IPP: variants seen among roughly 807,000 people sequenced by gnomAD.
IPP encodes actin-binding protein IPP.
IPP carries 41 observed loss-of-function variants against 64.1 expected under a neutral mutation model. That is an observed-to-expected ratio of 0.64 (90% confidence interval 0.50 to 0.83). The LOEUF (loss-of-function observed/expected upper bound fraction) is 0.83, where lower values mean the gene tolerates loss of function less well. IPP is among the 40% of genes least tolerant of loss of function. The pLI, the probability that IPP is intolerant of heterozygous loss-of-function variation, is 0.00. For missense variants in IPP, 649 were observed against 703.0 expected (o/e 0.92, Z 0.87); for synonymous variants, 214 against 235.2 (o/e 0.91, Z 0.83).
intron 2 of IPP, among the ~76,000 whole-genome samples, chr1:45,744,030 AAG>A (rs1314556046): frequency 1.3e-5 from 2 of 152,150 alleles, no homozygotes; most frequent in Non-Finnish European, 2.9e-5. Context: ...AAAAAAAAAA[AAG>A]AGTAATATAT....
chr1:45,746,605 C>T (rs1646138011), intron 1 of IPP, 144 bp from the exon 2 acceptor site: 1 of 502,196 alleles, frequency 2.0e-6, no homozygotes, highest in Admixed American at 3.6e-5. Flanking sequence ...ATTACTATTT[C>T]TAATATGGTT....
intron 3 of IPP, among the ~76,000 whole-genome samples, chr1:45,740,029 C>G (rs28733899): frequency 0.17 from 25,689 of 151,942 alleles, 2,666 homozygotes; most frequent in Non-Finnish European, 0.23. Context: ...TGACTCTTAA[C>G]GAGCATGCTG....
intron 8 of IPP, among the ~76,000 whole-genome samples, chr1:45,702,885 T>C (rs1009812902): frequency 1.3e-5 from 2 of 152,154 alleles, no homozygotes; most frequent in Admixed American, 6.6e-5. Flanking sequence ...AATAGGATCA[T>C]GGAGAAAGGA....
In IPP at chr1:45,718,846, G is replaced by A. The variant is rs1230645412; in HGVS notation, c.1186+357C>T. Reference sequence around the variant, plus strand: ...AGTAGAAGGATGGTTACCAGAGGCTGGGAAGGGTAGTGTAGTGGGGGTGGG... The same window carrying A: ...AGTAGAAGGATGGTTACCAGAGGCTAGGAAGGGTAGTGTAGTGGGGGTGGG... On this transcript the variant is annotated intron_variant, in intron 6 of 8. Transcript: ENST00000396478. Among the ~76,000 whole-genome samples the A allele has an allele frequency of 3.3e-5, 5 of 151,564 alleles. No individual in the cohort carries two copies. The East Asian group carries it at 5.8e-4, about 18-fold the overall frequency.
chr1:45,719,949 C>CCT (rs1645710275), intron 5 of IPP, among the ~76,000 whole-genome samples: 1 of 152,058 alleles, frequency 6.6e-6, no homozygotes, highest in Non-Finnish European at 1.5e-5. Flanking sequence ...ATCACAAGAT[C>CCT]CTGACCTCGT....
chr1:45,694,409 T>G, downstream of IPP: 1 of 1,287,948 alleles, frequency 7.8e-7, no homozygotes, highest in Non-Finnish European at 1.1e-6. Flanking sequence ...ATTTTAACCA[T>G]CTTGAAAATT....
At chr1:45,708,851 G>A (rs1645550902) in intron 8 of IPP, among the ~76,000 whole-genome samples, 1 of 151,488 alleles carries the variant, frequency 6.6e-6, no homozygotes, top group African/African-American at 2.4e-5. Context: ...GGCCAACATG[G>A]CAAAACCCTG....
At chr1:45,737,108 G>A (rs1039112565) in intron 3 of IPP, among the ~76,000 whole-genome samples, 9 of 150,188 alleles carry the variant, frequency 6.0e-5, no homozygotes, top group Non-Finnish European at 1.0e-4. Context: ...ACACTGCCTT[G>A]CTCCTAGCAG....
intron 8 of IPP, among the ~76,000 whole-genome samples, chr1:45,708,750 G>C (rs999325023): frequency 6.7e-6 from 1 of 148,766 alleles, no homozygotes; most frequent in Non-Finnish European, 1.5e-5. Context: ...ATGAAGGAGA[G>C]TCTGAACGCG....
At chr1:45,744,848 A>T (rs113285151) in intron 2 of IPP, among the ~76,000 whole-genome samples, 4 of 151,928 alleles carry the variant, frequency 2.6e-5, no homozygotes, top group Non-Finnish European at 5.9e-5. Context: ...AAAAAAAAAA[A>T]AAAATTTTTT....
intron 1 of IPP, among the ~76,000 whole-genome samples, chr1:45,746,824 C>G (rs1259446706): frequency 6.6e-6 from 1 of 152,194 alleles, no homozygotes; most frequent in Non-Finnish European, 1.5e-5. Context: ...CAGACAACAG[C>G]AACTTTCGAA....
chr1:45,707,974 G>A (rs1009291311), intron 8 of IPP, among the ~76,000 whole-genome samples: 11 of 151,360 alleles, frequency 7.3e-5, no homozygotes, highest in African/African-American at 2.7e-4. Flanking sequence ...ACATATGGAG[G>A]AACAAAGACA....
chr1:45,736,523 C>CT (rs1474874165), intron 3 of IPP, among the ~76,000 whole-genome samples: 1 of 151,918 alleles, frequency 6.6e-6, no homozygotes, highest in African/African-American at 2.4e-5. Flanking sequence ...ACACAAGTTG[C>CT]TTATATTTTC....
At chr1:45,747,097 TGCGCGCATGCGCGCGCACACGA>T (rs925971460) in intron 1 of IPP, among the ~76,000 whole-genome samples, 82 of 151,842 alleles carry the variant, frequency 5.4e-4, no homozygotes, top group African/African-American at 1.9e-3. Flanking sequence ...CTACTCTTAG[TGCGCGCATGCGCGCGCACACGA>T]GCGCGCGCGC....
intron 5 of IPP, among the ~76,000 whole-genome samples, chr1:45,725,957 GC>G (rs563337412): frequency 0.17 from 22,943 of 134,626 alleles, 1,942 homozygotes; most frequent in Non-Finnish European, 0.22. Context: ...ACTGCGGAAG[GC>G]CGCAGGGTCC....
intron 5 of IPP, among the ~76,000 whole-genome samples, chr1:45,726,393 GGTT>G (rs1215471799): frequency 1.3e-5 from 2 of 152,052 alleles, no homozygotes; most frequent in Non-Finnish European, 2.9e-5. Flanking sequence ...GGGAGGTGGA[GGTT>G]GTGGTGAGCT....
intron 8 of IPP, among the ~76,000 whole-genome samples, chr1:45,707,522 G>A (rs988084418): frequency 2.0e-5 from 3 of 150,306 alleles, no homozygotes; most frequent in African/African-American, 7.3e-5. Context: ...AGAAACAGAA[G>A]ACATAAGAAA....
chr1:45,725,326 C>T (rs1157208750), intron 5 of IPP, among the ~76,000 whole-genome samples: 1 of 133,000 alleles, frequency 7.5e-6, no homozygotes, highest in Non-Finnish European at 1.7e-5. Context: ...CCGCCCCGTC[C>T]GGGAGGGAGG....
chr1:45,718,595 C>T (rs1448286402), intron 6 of IPP, among the ~76,000 whole-genome samples: 1 of 152,092 alleles, frequency 6.6e-6, no homozygotes, highest in Non-Finnish European at 1.5e-5. Flanking sequence ...CAGCTGACCC[C>T]CACCTACACC....
Sources: allele counts gnomAD v4.1 joint callset (sites outside exome capture counted in the v4.1 genomes callset), GRCh38; gene constraint gnomAD v4.1.1; transcripts MANE v1.5; gene names NCBI Gene and HGNC (gene_info 2026-07-23, HGNC 2026-07-21).